Variants in AFAP1 observed in about 807,000 individuals in gnomAD.
AFAP1 encodes actin filament-associated protein 1.
In AFAP1, 75 loss-of-function variants were observed where a neutral mutation model predicts 93.9. The observed-to-expected ratio is 0.80, with a 90% CI of 0.66 to 0.97. The LOEUF is 0.97. Ranked by LOEUF, AFAP1 falls within the 50% of genes least tolerant of loss-of-function variation. The probability of loss-of-function intolerance (pLI) is 0.00; values close to 1 mark genes in which losing one functional copy is unlikely to be tolerated. For synonymous variants in AFAP1, 517 were observed against 430.7 expected (o/e 1.20, Z -2.48); for missense variants, 1,201 against 1,050.8 (o/e 1.14, Z -1.98).
intron 5 of AFAP1, among the ~76,000 whole-genome samples, chr4:7,841,990 G>C (rs569722185): frequency 6.6e-6 from 1 of 152,220 alleles, no homozygotes; most frequent in African/African-American, 2.4e-5. Flanking sequence ...ACTGGATTTG[G>C]AAGCTTCTCT....
At chr4:7,889,038 C>T (rs371120083) in intron 1 of AFAP1, among the ~76,000 whole-genome samples, 3 of 151,994 alleles carry the variant, frequency 2.0e-5, no homozygotes, top group Middle Eastern at 6.8e-3. Context: ...GTGATCTGCC[C>T]GCCTCAGCCT....
rs1553847921 is a variant in AFAP1, at chr4:7,860,929, G to GC, written c.226-5356dup. On this transcript the variant is annotated intron_variant, in intron 3 of 17. Transcript: ENST00000420658. ...CACTGCCGCTTGCCTCGCCTGCCTC[G>GC]CTCGCCTCGCCTCGTGGCTGGCACT... is the stretch of plus-strand genomic sequence containing the variant. Among the ~76,000 whole-genome samples, 892 of 152,244 alleles carry GC rather than the reference G, an allele frequency of 5.9e-3. 7 individuals are homozygous for GC. The highest frequency in any genetic ancestry group is 0.019 in the African/African-American group (780 of 41,526).
At chr4:7,868,540 G>T (rs1169094260) in intron 3 of AFAP1, 82 bp downstream of exon 3, 140 of 1,209,430 alleles carry the variant, frequency 1.2e-4, no homozygotes, top group Middle Eastern at 9.5e-4. Context: ...TCCACACCGG[G>T]CTTCCATCAC....
chr4:7,842,859 G>A, intron 5 of AFAP1: 1 of 396,196 alleles, frequency 2.5e-6, no homozygotes, highest in Non-Finnish European at 4.6e-6. Context: ...CATTTCCACA[G>A]ACGCAAACCA....
rs1719858596 is a variant in AFAP1 at position 7,809,843 on chromosome 4, TTTC to T, written c.905-83_905-81del. On this transcript the variant is annotated intron_variant, in intron 8 of 17. Transcript: ENST00000420658. ...AAAAAAAAACATACATCAAAACCCATTTCTTCTTTCCCTTGGCATTTTTTTCTT... is the reference window on the plus strand; with the variant it reads ...AAAAAAAAACATACATCAAAACCCATTTCTTTCCCTTGGCATTTTTTTCTT... 1.7e-5 allele frequency: 25 copies of T among 1,504,956 alleles called. No homozygotes were observed. The South Asian group carries it at 3.2e-4, about 20-fold the overall frequency. The allele number at this position is 1,504,956 out of a possible 1,614,324, so 93.2% of individuals were successfully genotyped here.
intron 1 of AFAP1, among the ~76,000 whole-genome samples, chr4:7,874,350 C>CTTTTTTT (rs1178468163): frequency 9.0e-6 from 1 of 111,026 alleles, no homozygotes; most frequent in African/African-American, 3.5e-5. Context: ...GTCAGATTGC[C>CTTTTTTT]TTTTTCTTTT....
chr4:7,767,431 T>C (rs1389543423), intron 17 of AFAP1, among the ~76,000 whole-genome samples: 3 of 152,244 alleles, frequency 2.0e-5, no homozygotes, highest in African/African-American at 4.8e-5. Context: ...ATCTCTCATC[T>C]GCGAGTCCTA....
chr4:7,902,243 C>T (rs1000515492), intron 1 of AFAP1, among the ~76,000 whole-genome samples: 8 of 152,098 alleles, frequency 5.3e-5, no homozygotes, highest in African/African-American at 1.4e-4. Flanking sequence ...CCATGTGATG[C>T]GTGGAAGTAA....
At chr4:7,772,776 G>A (rs780048785) in intron 16 of AFAP1, 44 bp downstream of exon 16, 31 of 1,586,710 alleles carry the variant, frequency 2.0e-5, no homozygotes, top group Non-Finnish European at 2.3e-5. Context: ...CCTCGGCCAC[G>A]CAAGGCCGCG....
intron 13 of AFAP1, among the ~76,000 whole-genome samples, chr4:7,780,769 C>T (rs1716683248): frequency 6.6e-6 from 1 of 152,012 alleles, no homozygotes; most frequent in Non-Finnish European, 1.5e-5. Flanking sequence ...CAATGGTCAT[C>T]AAAAGTCCTT....
intron 1 of AFAP1, among the ~76,000 whole-genome samples, chr4:7,936,805 T>A (rs1242822743): frequency 1.3e-5 from 2 of 152,098 alleles, no homozygotes; most frequent in African/African-American, 4.8e-5. Flanking sequence ...ATGGTCTCCA[T>A]CTTCTAACCT....
At chr4:7,936,269 C>G (rs1560245185) in intron 1 of AFAP1, among the ~76,000 whole-genome samples, 2 of 152,292 alleles carry the variant, frequency 1.3e-5, no homozygotes, top group Non-Finnish European at 2.9e-5. Context: ...CCAATTCCCA[C>G]CTTACCAAAC....
At chr4:7,878,462 G>T (rs1717650188) in intron 1 of AFAP1, among the ~76,000 whole-genome samples, 2 of 152,152 alleles carry the variant, frequency 1.3e-5, no homozygotes, top group Admixed American at 1.3e-4. Flanking sequence ...CCCGACACAG[G>T]CTCTATCCTT....
At chr4:7,916,700 TA>T (rs1217999834) in intron 1 of AFAP1, among the ~76,000 whole-genome samples, 1 of 152,076 alleles carries the variant, frequency 6.6e-6, no homozygotes, top group East Asian at 1.9e-4. Flanking sequence ...TGAGCCATGA[TA>T]AAAATCAAAA....
chr4:7,772,543 T>G (rs894875863), intron 16 of AFAP1: 20 of 356,506 alleles, frequency 5.6e-5, no homozygotes, highest in African/African-American at 3.6e-4. Flanking sequence ...ACACGAGGAC[T>G]GGATCTGTTC....
chr4:7,884,361 T>C (rs1460818667), intron 1 of AFAP1, among the ~76,000 whole-genome samples: 1 of 152,216 alleles, frequency 6.6e-6, no homozygotes, highest in East Asian at 1.9e-4. Context: ...TTTTGTTTTG[T>C]TTCTGGAACT....
At chr4:7,879,043 T>C (rs1346016148) in intron 1 of AFAP1, among the ~76,000 whole-genome samples, 1 of 152,186 alleles carries the variant, frequency 6.6e-6, no homozygotes, top group Non-Finnish European at 1.5e-5. Context: ...TACTAATAGT[T>C]CTTACACTAA....
At chr4:7,855,689 G>A in intron 3 of AFAP1, 115 bp from the exon 4 acceptor site, 1 of 850,476 alleles carries the variant, frequency 1.2e-6, no homozygotes, top group Non-Finnish European at 1.9e-6. Flanking sequence ...AAAGTCTTCG[G>A]CAAAAGAGAA....
At chr4:7,899,136 T>C (rs1434365926) in intron 1 of AFAP1, among the ~76,000 whole-genome samples, 4 of 152,010 alleles carry the variant, frequency 2.6e-5, no homozygotes. Flanking sequence ...ATGATGAATA[T>C]TTTAATAGAC....
Sources: gnomAD v4.1 joint callset for allele counts (sites outside exome capture counted in the v4.1 genomes callset) on GRCh38, gnomAD v4.1.1 for gene constraint, MANE v1.5 for transcripts, NCBI Gene and HGNC (gene_info 2026-07-23, HGNC 2026-07-21) for gene names.